Variants in MYO1D observed in about 807,000 individuals in gnomAD.
MYO1D encodes the protein myosin ID, also known as unconventional myosin-Id.
Under a neutral mutation model 122.0 loss-of-function variants are expected in MYO1D, and 83 were observed. The ratio of observed to expected loss-of-function variants is 0.68; its 90% CI spans 0.57 to 0.82. MYO1D has a LOEUF of 0.82. Among genes scored for constraint, MYO1D ranks in the 40% least tolerant of loss-of-function variants. The probability of loss-of-function intolerance (pLI) is 0.00; values close to 1 mark genes in which losing one functional copy is unlikely to be tolerated. For missense variants in MYO1D, 1,157 were observed against 1,269.5 expected (o/e 0.91, Z 1.35); for synonymous variants, 464 against 446.9 (o/e 1.04, Z -0.48).
At chr17:32,842,608 C>A (rs1261132174) in intron 1 of MYO1D, among the ~76,000 whole-genome samples, 3 of 152,132 alleles carry the variant, frequency 2.0e-5, no homozygotes, top group Non-Finnish European at 4.4e-5. Flanking sequence ...CTACCCCAAC[C>A]AGACAAAGCT....
chr17:32,544,760 T>C (rs922694126), intron 21 of MYO1D, among the ~76,000 whole-genome samples: 8 of 152,192 alleles, frequency 5.3e-5, no homozygotes, highest in Non-Finnish European at 1.2e-4. Flanking sequence ...TCCTTATTTT[T>C]ATTAAAAGAG....
intron 14 of MYO1D, among the ~76,000 whole-genome samples, chr17:32,735,996 A>C (rs929262450): frequency 2.0e-5 from 3 of 151,386 alleles, no homozygotes; most frequent in African/African-American, 7.3e-5. Context: ...TAGTCTATTT[A>C]CATTATGATG....
chr17:32,749,437 A>G (rs1478206580), intron 11 of MYO1D, among the ~76,000 whole-genome samples: 3 of 152,204 alleles, frequency 2.0e-5, no homozygotes, highest in Non-Finnish European at 4.4e-5. Flanking sequence ...TGACACTTTA[A>G]TCTTGGCTAC....
chr17:32,684,021 G>A (rs1296457446), intron 16 of MYO1D, among the ~76,000 whole-genome samples: 1 of 152,180 alleles, frequency 6.6e-6, no homozygotes, highest in African/African-American at 2.4e-5. Flanking sequence ...AGGTGCGTCC[G>A]TCACCCCTTT....
At chr17:32,788,194 A>C (rs2090316290) in intron 1 of MYO1D, among the ~76,000 whole-genome samples, 1 of 152,142 alleles carries the variant, frequency 6.6e-6, no homozygotes, top group Non-Finnish European at 1.5e-5. Context: ...TAGCAGTGTA[A>C]AAGTGTTCCC....
At chr17:32,765,837 A>G (rs1036376050) in intron 7 of MYO1D, among the ~76,000 whole-genome samples, 1 of 151,972 alleles carries the variant, frequency 6.6e-6, no homozygotes, top group African/African-American at 2.4e-5. Context: ...TATTTTTCAC[A>G]TGATTAGTTG....
intron 21 of MYO1D, among the ~76,000 whole-genome samples, chr17:32,520,873 C>T (rs1469369357): frequency 6.6e-6 from 1 of 152,184 alleles, no homozygotes; most frequent in Non-Finnish European, 1.5e-5. Context: ...CAAACTGCAC[C>T]ATATTCAAAG....
At chr17:32,686,986 C>T (rs983877506) in intron 16 of MYO1D, among the ~76,000 whole-genome samples, 2 of 149,888 alleles carry the variant, frequency 1.3e-5, no homozygotes, top group South Asian at 2.1e-4. Flanking sequence ...CACACACACA[C>T]ACACACACAC....
chr17:32,610,748 C>T (rs566768520), intron 20 of MYO1D, among the ~76,000 whole-genome samples: 79 of 152,258 alleles, frequency 5.2e-4, no homozygotes, highest in African/African-American at 1.8e-3. Flanking sequence ...AACTTTATCA[C>T]TGAAAATATA....
At chr17:32,837,283 C>CTTTTTTT (rs10692549) in intron 1 of MYO1D, among the ~76,000 whole-genome samples, 1 of 132,720 alleles carries the variant, frequency 7.5e-6, no homozygotes, top group Non-Finnish European at 1.6e-5. Flanking sequence ...GGCTGTTTGT[C>CTTTTTTT]TTTTTTTTTC....
chr17:32,689,047 G>A (rs2089060612), intron 16 of MYO1D, among the ~76,000 whole-genome samples: 2 of 152,096 alleles, frequency 1.3e-5, no homozygotes, highest in Non-Finnish European at 2.9e-5. Flanking sequence ...TTTTGGTGGT[G>A]AGATGATGGG....
chr17:32,820,598 T>A (rs1381279234), intron 1 of MYO1D, among the ~76,000 whole-genome samples: 4 of 152,132 alleles, frequency 2.6e-5, no homozygotes, highest in African/African-American at 9.7e-5. Context: ...AAAGAAAGAA[T>A]GGTTGTTATG....
intron 1 of MYO1D, among the ~76,000 whole-genome samples, chr17:32,782,229 G>A (rs1236756355): frequency 6.6e-6 from 1 of 152,184 alleles, no homozygotes; most frequent in Non-Finnish European, 1.5e-5. Context: ...CAAGTATTTA[G>A]AGTATTTTAA....
intron 20 of MYO1D, among the ~76,000 whole-genome samples, chr17:32,613,073 T>C (rs1365156899): frequency 6.6e-6 from 1 of 152,120 alleles, no homozygotes; most frequent in African/African-American, 2.4e-5. Context: ...AGGCCTGAAA[T>C]GCATGATTTT....
chr17:32,683,903 C>T (rs2088964157), intron 16 of MYO1D, among the ~76,000 whole-genome samples: 1 of 151,944 alleles, frequency 6.6e-6, no homozygotes, highest in African/African-American at 2.4e-5. Context: ...AGCGAGACTC[C>T]GTGGGCGTAG....
At chr17:32,568,515 T>G (rs1324039095) in intron 21 of MYO1D, among the ~76,000 whole-genome samples, 2 of 152,226 alleles carry the variant, frequency 1.3e-5, no homozygotes, top group South Asian at 2.1e-4. Flanking sequence ...ATATAACCTA[T>G]CAACCCCCTT....
intron 12 of MYO1D, among the ~76,000 whole-genome samples, chr17:32,747,972 C>T (rs976424149): frequency 2.6e-5 from 4 of 152,088 alleles, no homozygotes; most frequent in Non-Finnish European, 5.9e-5. Flanking sequence ...GAAAAAGGAA[C>T]AGACTCCTCT....
At chr17:32,720,859 C>T (rs1223443274) in intron 15 of MYO1D, among the ~76,000 whole-genome samples, 164 bp downstream of exon 15, 1 of 152,162 alleles carries the variant, frequency 6.6e-6, no homozygotes, top group Non-Finnish European at 1.5e-5. Context: ...AATTCAGGGA[C>T]TCATGTTGAA....
At chr17:32,865,308 T>C (rs2091114405) in intron 1 of MYO1D, among the ~76,000 whole-genome samples, 1 of 152,256 alleles carries the variant, frequency 6.6e-6, no homozygotes. Context: ...TTGTACAAGT[T>C]ACTCAAAGCC....
Sources: gnomAD v4.1 joint callset for allele counts (sites outside exome capture counted in the v4.1 genomes callset) on GRCh38, gnomAD v4.1.1 for gene constraint, MANE v1.5 for transcripts, NCBI Gene and HGNC (gene_info 2026-07-23, HGNC 2026-07-21) for gene names.